The following NACC1 variants were observed in gnomAD, a reference collection of about 807,000 sequenced individuals.
NACC1 encodes the protein nucleus accumbens-associated protein 1.
Under a neutral mutation model 41.7 loss-of-function variants are expected in NACC1, and 6 were observed. The ratio of observed to expected loss-of-function variants is 0.14; its 90% CI spans 0.08 to 0.28. The LOEUF is 0.28. Ranked by LOEUF, NACC1 falls within the 10% of genes least tolerant of loss-of-function variation. The pLI is 1.00. For synonymous variants in NACC1, 338 were observed against 330.6 expected, an observed-to-expected ratio of 1.02 and a Z score of -0.24; for missense variants, 434 against 763.7, an observed-to-expected ratio of 0.57 and a Z score of 5.09.
intron 1 of NACC1, among the ~76,000 whole-genome samples, chr19:13,122,126 A>G (rs1427912372): frequency 6.6e-6 from 1 of 152,108 alleles, no homozygotes; most frequent in Non-Finnish European, 1.5e-5. Context: ...GGCAGAGGTG[A>G]CGTGTCTTAG....
Position 13,118,406 on chromosome 19 carries a change from C to T in NACC1, c.-57C>T, listed in dbSNP as rs939535247. ...CCCCGGGCCCAGGCCCGGCCCCAGCCGCCGCTGCGGAGCCCGCCGGGACCC... is the reference window on the plus strand; with the variant it reads ...CCCCGGGCCCAGGCCCGGCCCCAGCTGCCGCTGCGGAGCCCGCCGGGACCC... On this transcript the variant is annotated 5_prime_UTR_variant, in exon 1 of 6. Transcript: ENST00000292431. The T allele has an allele frequency of 6.8e-6, 1 of 147,792 alleles. No individual in the cohort carries two copies. Among genetic ancestry groups the T allele is most frequent in the African/African-American group, 2.4e-5 (1 of 40,970 alleles). The allele number at this position is 147,792 out of a possible 1,614,324, so 9.2% of individuals were successfully genotyped here. A position where few individuals can be genotyped will look rare whatever the true frequency, so the allele number is the denominator to read the frequency against.
chr19:13,126,122 C>T (rs2019558710), intron 1 of NACC1, among the ~76,000 whole-genome samples: 1 of 151,924 alleles, frequency 6.6e-6, no homozygotes, highest in Non-Finnish European at 1.5e-5. Context: ...CGGCTCACCG[C>T]AACCTTCGCC....
rs987540131 is a variant in NACC1 at position 13,136,554 on chromosome 19, C to T, written c.1120+149C>T. ...GTAACAGCCACCCTAAGGGTGGGGG[C>T]GTTGGTGAGATGGAGGAGCTGATAC... is the stretch of plus-strand genomic sequence containing the variant. On this transcript the variant is annotated intron_variant, in intron 3 of 5. Coordinates refer to ENST00000292431, the MANE Select transcript of NACC1 (RefSeq NM_052876.4). This position sits in a 1 kb window ranked among gnomAD's most constrained non-coding sequence, Gnocchi z 5.5. 2.3e-4 allele frequency: 223 copies of T among 949,088 alleles called. No homozygotes were observed. The highest frequency in any genetic ancestry group is 3.3e-4 in the Middle Eastern group (1 of 3,050). The allele number at this position is 949,088 out of a possible 1,614,324, so 58.8% of individuals were successfully genotyped here. A position where few individuals can be genotyped will look rare whatever the true frequency, so the allele number is the denominator to read the frequency against.
upstream of NACC1, chr19:13,118,053 G>C (rs2019416652): frequency 6.6e-6 from 1 of 152,206 alleles, no homozygotes; most frequent in Non-Finnish European, 1.5e-5. Context: ...AGAAGGTGGC[G>C]GGGCCAGGAT....
At chr19:13,128,721 T>C (rs1233117299) in intron 1 of NACC1, among the ~76,000 whole-genome samples, 1 of 152,256 alleles carries the variant, frequency 6.6e-6, no homozygotes, top group East Asian at 1.9e-4. Flanking sequence ...CCTGCTGGAC[T>C]GTGAGCTCCA....
intron 1 of NACC1, among the ~76,000 whole-genome samples, chr19:13,134,120 A>G (rs916955763): frequency 2.0e-5 from 3 of 152,134 alleles, no homozygotes; most frequent in African/African-American, 7.2e-5. Context: ...TAGTGGCGCA[A>G]TCACAGCTCA....
intron 1 of NACC1, among the ~76,000 whole-genome samples, chr19:13,127,288 G>A (rs2019574308): frequency 7.1e-6 from 1 of 140,264 alleles, no homozygotes; most frequent in Non-Finnish European, 1.5e-5. Context: ...ACTCAGCTGG[G>A]AGTTGGAGAC....
chr19:13,122,524 G>T (rs1242042915), intron 1 of NACC1, among the ~76,000 whole-genome samples: 5 of 32,510 alleles, frequency 1.5e-4, no homozygotes, highest in African/African-American at 4.6e-4. Context: ...TGCCCCTGCC[G>T]GGGGGGGGGG....
intron 1 of NACC1, among the ~76,000 whole-genome samples, chr19:13,119,707 C>T (rs975084981): frequency 8.5e-5 from 13 of 152,160 alleles, no homozygotes; most frequent in Admixed American, 2.6e-4. Context: ...TTTGGAGGCT[C>T]CCGACGGGGT....
At chr19:13,127,370 A>ATTTTTTTT (rs1491187460) in intron 1 of NACC1, among the ~76,000 whole-genome samples, 13 of 44,806 alleles carry the variant, frequency 2.9e-4, no homozygotes, top group South Asian at 1.1e-3. Context: ...ATATACATAT[A>ATTTTTTTT]CTTTTTTTTT....
intron 1 of NACC1, among the ~76,000 whole-genome samples, chr19:13,119,147 A>G (rs2019455463): frequency 7.2e-6 from 1 of 139,678 alleles, no homozygotes; most frequent in Non-Finnish European, 1.5e-5. Flanking sequence ...GAGTCGAGAG[A>G]GCAGAGCCTT....
intron 1 of NACC1, among the ~76,000 whole-genome samples, chr19:13,134,877 G>A (rs911294317): frequency 1.1e-4 from 17 of 152,176 alleles, no homozygotes; most frequent in African/African-American, 3.9e-4. Context: ...CCACTCTTCC[G>A]AGCACTTAAG....
Position 13,135,315 on chromosome 19 carries a change from C to T in NACC1, c.108C>T (p.Val36=). The stretch of plus-strand genomic sequence containing the variant: ...TGTACTGTGACGTGTCAGTGGTGGT[C>T]AAGGGCCATGCCTTCAAGGCCCACC... ...QGLYCDVSVV[V]KGHAFKAHRA... is the part of the protein sequence containing the mutation. The change falls in exon 2 of 6, where the codon GTC becomes GTT. Residue 36 remains valine (V), a synonymous_variant. Coordinates refer to ENST00000292431, the MANE Select transcript of NACC1 (RefSeq NM_052876.4). 6.2e-7 allele frequency: 1 copy of T among 1,613,776 alleles called. No homozygotes were observed. Among genetic ancestry groups the T allele is most frequent in the Non-Finnish European group, 8.5e-7 (1 of 1,180,052 alleles).
rs760553716 is a variant in NACC1 at position 13,138,753 on chromosome 19, C to T, written c.*347C>T. The T allele has an allele frequency of 6.4e-6, 2 of 310,900 alleles. No homozygotes were observed. Among genetic ancestry groups the T allele is most frequent in the Non-Finnish European group, 1.2e-5 (2 of 162,262 alleles). 19.3% of individuals were successfully genotyped at this position (310,900 alleles called of 1,614,324 possible). A position where few individuals can be genotyped will look rare whatever the true frequency, so the allele number is the denominator to read the frequency against. On this transcript the variant is annotated 3_prime_UTR_variant, in exon 6 of 6. Transcript: ENST00000292431. This position sits in a 1 kb window ranked among gnomAD's most constrained non-coding sequence, Gnocchi z 5.7. ...GTCTTGGGAAGGCCCCTCCCCAGGCCCTAGGCCACCTCGCGGAAGCCTTCA... is the reference window on the plus strand; with the variant it reads ...GTCTTGGGAAGGCCCCTCCCCAGGCTCTAGGCCACCTCGCGGAAGCCTTCA...
At chr19:13,133,709 A>G (rs1296204212) in intron 1 of NACC1, among the ~76,000 whole-genome samples, 1 of 152,110 alleles carries the variant, frequency 6.6e-6, no homozygotes, top group Non-Finnish European at 1.5e-5. Context: ...CCTTTGGGCT[A>G]TTGTGAATAA....
Position 13,138,552 on chromosome 19 carries a change from C to T in NACC1, c.*146C>T. 8.1e-7 allele frequency: 1 copy of T among 1,237,378 alleles called. No individual in the cohort carries two copies. The highest frequency in any genetic ancestry group is 1.1e-6 in the Non-Finnish European group (1 of 908,288). 76.6% of individuals were successfully genotyped at this position (1,237,378 alleles called of 1,614,324 possible). A position where few individuals can be genotyped will look rare whatever the true frequency, so the allele number is the denominator to read the frequency against. ...CGGCCCTCTGCCCCTCCTGTCCTACCCCCTTTCCCCACCGAGAGCTGGGCC... is the reference window on the plus strand; with the variant it reads ...CGGCCCTCTGCCCCTCCTGTCCTACTCCCTTTCCCCACCGAGAGCTGGGCC... On this transcript the variant is annotated 3_prime_UTR_variant, in exon 6 of 6. Transcript: ENST00000292431. The surrounding 1 kb of genome is among the most constrained non-coding windows in gnomAD (Gnocchi z 5.7).
At chr19:13,130,797 A>G (rs560575276) in intron 1 of NACC1, among the ~76,000 whole-genome samples, 2 of 151,018 alleles carry the variant, frequency 1.3e-5, no homozygotes, top group Admixed American at 6.6e-5. Flanking sequence ...CAGCCTCCCA[A>G]TGTGCTGGGA....
chr19:13,126,870 G>T (rs1770447334), intron 1 of NACC1, among the ~76,000 whole-genome samples: 1 of 128,684 alleles, frequency 7.8e-6, no homozygotes, highest in African/African-American at 2.9e-5. Flanking sequence ...CAGGTCCTAG[G>T]GGTAGAGGAC....
chr19:13,129,066 G>A (rs1056017360), intron 1 of NACC1, among the ~76,000 whole-genome samples: 66 of 152,186 alleles, frequency 4.3e-4, no homozygotes, highest in Admixed American at 1.8e-3. Flanking sequence ...CACTGTGGCC[G>A]GGGTGGGGCA....
Sources: gnomAD v4.1 joint callset for allele counts (sites outside exome capture counted in the v4.1 genomes callset) on GRCh38, gnomAD v4.1.1 for gene constraint, Gnocchi (gnomAD v3.1) non-coding constraint, MANE v1.5 for transcripts, NCBI Gene and HGNC (gene_info 2026-07-23, HGNC 2026-07-21) for gene names.